MYLK3: variants seen among roughly 807,000 people sequenced by gnomAD.
MYLK3 encodes myosin light chain kinase 3.
MYLK3 carries 55 observed loss-of-function variants against 76.3 expected under a neutral mutation model. That is an observed-to-expected ratio of 0.72 (90% CI 0.58 to 0.90). The LOEUF is 0.90. Ranked by LOEUF, MYLK3 falls within the 40% of genes least tolerant of loss-of-function variation. The probability of loss-of-function intolerance (pLI) is 0.00; values close to 1 mark genes in which losing one functional copy is unlikely to be tolerated. For missense variants in MYLK3, 973 were observed against 1,053.6 expected (o/e 0.92, Z 1.06); for synonymous variants, 416 against 425.4 (o/e 0.98, Z 0.27).
In MYLK3 at chr16:46,710,888, A is replaced by G. The variant is rs774576553; in HGVS notation, c.2115-99T>C. Reference sequence around the variant, plus strand: ...TTACAGAGTTCAAGTGGACCTAGCCAGAACCAAGAGGGTTCAAAATAAAAG... The same window carrying G: ...TTACAGAGTTCAAGTGGACCTAGCCGGAACCAAGAGGGTTCAAAATAAAAG... On this transcript the variant is annotated intron_variant, in intron 10 of 12. Transcript: ENST00000394809. 4 of 1,406,236 alleles carry G rather than the reference A, an allele frequency of 2.8e-6. No individual in the cohort carries two copies. In the East Asian group the frequency reaches 6.9e-5, roughly 24 times the overall value. 87.1% of individuals were successfully genotyped at this position (1,406,236 alleles called of 1,614,324 possible). A position where few individuals can be genotyped will look rare whatever the true frequency, so the allele number is the denominator to read the frequency against.
At chr16:46,717,339 C>A (rs952988386) in intron 9 of MYLK3, among the ~76,000 whole-genome samples, 1 of 152,184 alleles carries the variant, frequency 6.6e-6, no homozygotes, top group Admixed American at 6.5e-5. Context: ...AGAGGAAATA[C>A]AATTTGAGAG....
At position 46,702,951 on chromosome 16, in the gene MYLK3, C is replaced by T. The variant is rs1478819645; in HGVS notation, c.*4753G>A. ...AAAAAAAAAAAAAGGAATACATGCT[C>T]ATTGTAAAAAAAAAAAAAAAAAAGA... On this transcript the variant is annotated 3_prime_UTR_variant, in exon 13 of 13. Coordinates refer to ENST00000394809, the MANE Select transcript of MYLK3 (RefSeq NM_182493.3). Among the ~76,000 whole-genome samples the T allele has an allele frequency of 1.2e-5, 1 of 86,912 alleles. No individual in the cohort carries two copies. Among genetic ancestry groups the T allele is most frequent in the Non-Finnish European group, 2.4e-5 (1 of 41,544 alleles). 57.0% of individuals were successfully genotyped at this position (86,912 alleles called of 152,430 possible).
At chr16:46,726,722 AAAGAAAGAAAGAAAAG>A (rs1966842808) in intron 8 of MYLK3, 7 of 148,412 alleles carry the variant, frequency 4.7e-5, no homozygotes, top group African/African-American at 1.5e-4. Context: ...AGAAAGAAAG[AAAGAAAGAAAGAAAAG>A]AAAGAGAGAG....
At chr16:46,730,480 A>C (rs960557603) in intron 5 of MYLK3, 113 bp downstream of exon 5, 33 of 838,284 alleles carry the variant, frequency 3.9e-5, no homozygotes, top group Non-Finnish European at 5.5e-5. Flanking sequence ...CCTTGGCTCC[A>C]TCAGCTCGAG....
chr16:46,742,840 T>TC (rs1385790948), intron 1 of MYLK3, among the ~76,000 whole-genome samples: 2 of 152,036 alleles, frequency 1.3e-5, no homozygotes, highest in East Asian at 1.9e-4. Flanking sequence ...GGCAGACAGC[T>TC]CCCCCTTATC....
At chr16:46,712,133 G>C (rs542031966) in intron 10 of MYLK3, among the ~76,000 whole-genome samples, 1 of 151,964 alleles carries the variant, frequency 6.6e-6, no homozygotes. Context: ...TGGGACGATA[G>C]GCACGCACCA....
rs762013654 is a variant in MYLK3, at chr16:46,712,678, A to G, written c.2084T>C (p.Met695Thr). The G allele has an allele frequency of 5.7e-6, 9 of 1,585,000 alleles. No homozygotes were observed. The African/African-American group carries it at 9.6e-5, about 17-fold the overall frequency. ...NYEFVSFPTD[M>T]WSVGVITYML... The stretch of plus-strand genomic sequence containing the variant: ...GTAGGTGATGACTCCCACACTCCAC[A>G]TGTCTGTGGGGAATGAGACAAACTC... The change falls in exon 10 of 13, where the codon ATG becomes ACG. Residue 695 changes from methionine to threonine, a missense_variant. This residue lies in a region of MYLK3 where 332 missense variants were observed against 416.6 expected (regional missense o/e 0.80). Coordinates refer to ENST00000394809, the MANE Select transcript of MYLK3 (RefSeq NM_182493.3).
At chr16:46,728,550 A>G (rs1966846683) in intron 7 of MYLK3, among the ~76,000 whole-genome samples, 1 of 152,000 alleles carries the variant, frequency 6.6e-6, no homozygotes, top group Non-Finnish European at 1.5e-5. Context: ...GCAAGACCTC[A>G]TCTCTACAAA....
At chr16:46,737,624 A>T in intron 3 of MYLK3, 87 bp downstream of exon 3, 1 of 1,281,730 alleles carries the variant, frequency 7.8e-7, no homozygotes, top group Non-Finnish European at 1.1e-6. Context: ...AGGAACATGT[A>T]TGCAGTGGAT....
chr16:46,763,173 T>C (rs1202035368), exon 1 of MYLK3: 1 of 985,388 alleles, frequency 1.0e-6, no homozygotes, highest in Non-Finnish European at 1.2e-6. Context: ...AAGTGGCTTG[T>C]CAACAGTTAT....
rs1479433324 is a variant in MYLK3 at position 46,744,579 on chromosome 16, T to C, written c.477+3138A>G. On this transcript the variant is annotated intron_variant, in intron 1 of 12. Transcript: ENST00000394809. Reference sequence around the variant, plus strand: ...CTGGTCTCGAACTCCTGACCTCAGGTGATCCCCCCACCTCGGCCTCCCAAA... The same window carrying C: ...CTGGTCTCGAACTCCTGACCTCAGGCGATCCCCCCACCTCGGCCTCCCAAA... Among the ~76,000 whole-genome samples, 3 of 151,952 alleles carry C rather than the reference T, an allele frequency of 2.0e-5. No homozygotes were observed. In the East Asian group the frequency reaches 5.8e-4, roughly 29 times the overall value.
intron 3 of MYLK3, among the ~76,000 whole-genome samples, chr16:46,733,057 T>C (rs1012878935): frequency 1.2e-4 from 19 of 152,210 alleles, no homozygotes; most frequent in Admixed American, 7.8e-4. Flanking sequence ...ATCAGAAGTA[T>C]TTGTTTAAAA....
chr16:46,705,904 G>A lies in MYLK3; in HGVS notation c.*1800C>T, dbSNP rs577765213. The A allele has an allele frequency of 6.6e-6, 1 of 151,992 alleles. No individual in the cohort carries two copies. The highest frequency in any genetic ancestry group is 1.9e-4 in the East Asian group (1 of 5,176). 9.4% of individuals were successfully genotyped at this position (151,992 alleles called of 1,614,324 possible). ...CATGATCGCCTGAGCCCAGGAGGCGGAGGCTACAGTGAGCCAAGATCACAC... is the reference window on the plus strand; with the variant it reads ...CATGATCGCCTGAGCCCAGGAGGCGAAGGCTACAGTGAGCCAAGATCACAC... On this transcript the variant is annotated 3_prime_UTR_variant, in exon 13 of 13. Coordinates refer to ENST00000394809, the MANE Select transcript of MYLK3 (RefSeq NM_182493.3).
At position 46,729,865 on chromosome 16, in the gene MYLK3, C is replaced by A. The variant is rs1422545728; in HGVS notation, c.1569-178G>T. 1.4e-5 allele frequency: 9 copies of A among 624,054 alleles called. No individual in the cohort carries two copies. The African/African-American group carries it at 1.7e-4, about 11-fold the overall frequency. 38.7% of individuals were successfully genotyped at this position (624,054 alleles called of 1,614,324 possible). ...CTATCCCGAAACCTGCAAAGCAACT[C>A]TTCACCCCACACCACCCAGGCCATT... is the stretch of plus-strand genomic sequence containing the variant. On this transcript the variant is annotated intron_variant, in intron 5 of 12. Coordinates refer to ENST00000394809, the MANE Select transcript of MYLK3 (RefSeq NM_182493.3).
Position 46,727,305 on chromosome 16 carries a change from C to A in MYLK3, c.1845G>T (p.Leu615=). The A allele has an allele frequency of 1.2e-6, 2 of 1,614,144 alleles. No individual in the cohort carries two copies. ...CACCCTCACAGATCTGCCTGGTGAACAGGACCACATCCAGCTCAGTCAGGT... is the reference window on the plus strand; with the variant it reads ...CACCCTCACAGATCTGCCTGGTGAAAAGGACCACATCCAGCTCAGTCAGGT... The part of the protein sequence containing the change: ...KYHLTELDVV[L]FTRQICEGVH... The change falls in exon 8 of 13, where the codon CTG becomes CTT. Residue 615 remains leucine (L), a synonymous_variant. Coordinates refer to ENST00000394809, the MANE Select transcript of MYLK3 (RefSeq NM_182493.3).
chr16:46,737,929 G>A lies in MYLK3; in HGVS notation c.783C>T (p.Gly261=). ...TGCCGGGTGCTGGAGCCAATTCCAG[G>A]CCAGTCCTGAGGTTCTCGCTGGGTG... ...PETPSENLRT[G]LELAPAPGRV... Residue 261 remains glycine (G), a synonymous_variant, in exon 3 of 13, where the codon GGC becomes GGT. Coordinates refer to ENST00000394809, the MANE Select transcript of MYLK3 (RefSeq NM_182493.3). 1.2e-6 allele frequency: 2 copies of A among 1,614,186 alleles called. No homozygotes were observed. The highest frequency in any genetic ancestry group is 8.5e-7 in the Non-Finnish European group (1 of 1,180,032).
rs547919683 is a variant in MYLK3, at chr16:46,706,855, A to G, written c.*849T>C. 2 of 152,356 alleles carry G rather than the reference A, an allele frequency of 1.3e-5. No homozygotes were observed. Among genetic ancestry groups the G allele is most frequent in the East Asian group, 3.9e-4 (2 of 5,182 alleles). The allele number at this position is 152,356 out of a possible 1,614,324, so 9.4% of individuals were successfully genotyped here. A position where few individuals can be genotyped will look rare whatever the true frequency, so the allele number is the denominator to read the frequency against. ...CTGTTCAAGGGTCAACTGTACATGT[A>G]TATAGAAAGTGTATGTGTAGAGTGA... On this transcript the variant is annotated 3_prime_UTR_variant, in exon 13 of 13. Coordinates refer to ENST00000394809, the MANE Select transcript of MYLK3 (RefSeq NM_182493.3).
chr16:46,761,185 C>T (rs1454996819), intron 1 of MYLK3, among the ~76,000 whole-genome samples: 1 of 152,148 alleles, frequency 6.6e-6, no homozygotes, highest in East Asian at 1.9e-4. Context: ...GGGAGCAAAG[C>T]TCAGGTGGAG....
intron 1 of MYLK3, among the ~76,000 whole-genome samples, chr16:46,760,108 T>G (rs1172133539): frequency 6.6e-6 from 1 of 152,230 alleles, no homozygotes; most frequent in Non-Finnish European, 1.5e-5. Context: ...TGAGCACCAG[T>G]GCTCGTGATC....
Sources: allele counts gnomAD v4.1 joint callset (sites outside exome capture counted in the v4.1 genomes callset), GRCh38; gene constraint gnomAD v4.1.1; regional missense constraint gnomAD v4.1.1; transcripts MANE v1.5; gene names NCBI Gene and HGNC (gene_info 2026-07-23, HGNC 2026-07-21).